The following ASTN2 variants were observed in gnomAD, a reference collection of about 807,000 sequenced individuals.
ASTN2 encodes astrotactin-2.
In ASTN2, 54 loss-of-function variants were observed where a neutral mutation model predicts 139.8. The ratio of observed to expected loss-of-function variants is 0.39; its 90% CI spans 0.31 to 0.48. ASTN2 has a LOEUF of 0.48. Among genes scored for constraint, ASTN2 ranks in the 20% least tolerant of loss-of-function variants. The probability of loss-of-function intolerance (pLI) is 0.95; values close to 1 mark genes in which losing one functional copy is unlikely to be tolerated. For missense variants in ASTN2, 1,565 were observed against 1,725.1 expected (o/e 0.91, Z 1.64); for synonymous variants, 756 against 719.5 (o/e 1.05, Z -0.81).
intron 19 of ASTN2, among the ~76,000 whole-genome samples, chr9:116,519,354 A>C (rs942430977): frequency 2.6e-5 from 4 of 151,978 alleles, no homozygotes; most frequent in Admixed American, 2.6e-4. Context: ...TCCAAAAAAA[A>C]CCCTCAAAAC....
chr9:117,290,000 A>T (rs1223741572), intron 2 of ASTN2, among the ~76,000 whole-genome samples: 1 of 152,212 alleles, frequency 6.6e-6, no homozygotes. Context: ...CGTTGAAGAG[A>T]AACGAGAAAG....
At chr9:116,707,129 C>A (rs959047253) in intron 16 of ASTN2, among the ~76,000 whole-genome samples, 2 of 151,288 alleles carry the variant, frequency 1.3e-5, no homozygotes, top group African/African-American at 4.9e-5. Flanking sequence ...ACAGTCATAC[C>A]CTATGCAATA....
intron 1 of ASTN2, among the ~76,000 whole-genome samples, chr9:117,355,171 G>A (rs1163456441): frequency 6.6e-6 from 1 of 152,060 alleles, no homozygotes; most frequent in Non-Finnish European, 1.5e-5. Flanking sequence ...ATCTAAGAGA[G>A]TCCCTGACAG....
At chr9:117,391,534 T>C (rs1830540483) in intron 1 of ASTN2, among the ~76,000 whole-genome samples, 1 of 152,144 alleles carries the variant, frequency 6.6e-6, no homozygotes, top group Non-Finnish European at 1.5e-5. Context: ...CCTGCTTCCA[T>C]GATTCAATCA....
intron 1 of ASTN2, among the ~76,000 whole-genome samples, chr9:117,369,257 TA>T (rs1043356331): frequency 6.6e-6 from 1 of 152,194 alleles, no homozygotes; most frequent in African/African-American, 2.4e-5. Flanking sequence ...AACATGATTA[TA>T]ATGATTCATT....
intron 3 of ASTN2, among the ~76,000 whole-genome samples, chr9:117,166,801 C>G (rs1830680255): frequency 6.6e-6 from 1 of 152,082 alleles, no homozygotes; most frequent in Non-Finnish European, 1.5e-5. Context: ...AGACTGCAAA[C>G]TCCCCTAGGA....
chr9:117,003,953 C>CGTGTGTGTGTGTGTGTGT (rs3038371), intron 7 of ASTN2, among the ~76,000 whole-genome samples: 2 of 146,284 alleles, frequency 1.4e-5, no homozygotes, highest in African/African-American at 5.2e-5. Context: ...CGCGCGCGCG[C>CGTGTGTGTGTGTGTGTGT]GTGTGTGTGT....
intron 13 of ASTN2, among the ~76,000 whole-genome samples, chr9:116,744,545 TAC>T (rs1307227880): frequency 6.6e-6 from 1 of 152,082 alleles, no homozygotes; most frequent in Non-Finnish European, 1.5e-5. Context: ...GACAACAGAA[TAC>T]AGAGAAGAGG....
At chr9:116,497,900 C>T (rs763294942) in intron 19 of ASTN2, among the ~76,000 whole-genome samples, 1 of 152,208 alleles carries the variant, frequency 6.6e-6, no homozygotes, top group Non-Finnish European at 1.5e-5. Flanking sequence ...AAAGAACCAA[C>T]TGTACGATGT....
chr9:117,373,192 C>T (rs1406115429), intron 1 of ASTN2, among the ~76,000 whole-genome samples: 2 of 152,130 alleles, frequency 1.3e-5, no homozygotes, highest in Non-Finnish European at 2.9e-5. Context: ...GTTAATTATT[C>T]CATTTACAGA....
chr9:116,577,536 AAAAAAGAAAAAG>A (rs372608395), intron 19 of ASTN2, among the ~76,000 whole-genome samples: 1 of 144,990 alleles, frequency 6.9e-6, no homozygotes, highest in East Asian at 1.9e-4. Flanking sequence ...TGTCTCAAAA[AAAAAAGAAAAAG>A]AAAAAGAAAA....
intron 16 of ASTN2, among the ~76,000 whole-genome samples, chr9:116,714,442 G>A (rs1015544987): frequency 3.9e-5 from 6 of 152,182 alleles, no homozygotes; most frequent in African/African-American, 1.4e-4. Context: ...TATGTCTCAT[G>A]ATAATAATGA....
At chr9:116,964,256 T>A (rs111489847) in intron 10 of ASTN2, among the ~76,000 whole-genome samples, 1 of 98,868 alleles carries the variant, frequency 1.0e-5, no homozygotes. Context: ...TGTGTGTGTG[T>A]GCGCGCGCGC....
chr9:116,426,576 T>C (rs1847316152), intron 22 of ASTN2, among the ~76,000 whole-genome samples: 1 of 152,216 alleles, frequency 6.6e-6, no homozygotes, highest in Non-Finnish European at 1.5e-5. Flanking sequence ...TGACATTACT[T>C]GACTAAGGCA....
At chr9:117,327,009 G>T (rs1269575312) in intron 1 of ASTN2, among the ~76,000 whole-genome samples, 2 of 152,156 alleles carry the variant, frequency 1.3e-5, no homozygotes, top group Non-Finnish European at 2.9e-5. Context: ...CAGACCAGGG[G>T]AGTTGTGGGG....
intron 10 of ASTN2, among the ~76,000 whole-genome samples, chr9:116,872,157 T>C (rs1854027): frequency 0.49 from 74,091 of 151,948 alleles, 19,143 homozygotes; most frequent in Non-Finnish European, 0.58. Context: ...AGAGATTGGG[T>C]TTCACCATGT....
intron 22 of ASTN2, among the ~76,000 whole-genome samples, chr9:116,437,806 T>C (rs1403271001): frequency 1.3e-5 from 2 of 152,194 alleles, no homozygotes. Flanking sequence ...CTTCCTTTCA[T>C]GTGCAAGGGA....
At chr9:116,609,572 C>T (rs1006436405) in intron 19 of ASTN2, among the ~76,000 whole-genome samples, 1 of 151,284 alleles carries the variant, frequency 6.6e-6, no homozygotes, top group African/African-American at 2.4e-5. Flanking sequence ...GCATCACTAA[C>T]TGACAAAATA....
chr9:116,847,028 AAAAAAC>A (rs1832456154), intron 11 of ASTN2, among the ~76,000 whole-genome samples: 18 of 72,892 alleles, frequency 2.5e-4, no homozygotes, highest in African/African-American at 9.4e-4. Flanking sequence ...AAAAAAAAAC[AAAAAAC>A]AAAAAACAAA....
Sources: gnomAD v4.1 joint callset for allele counts (sites outside exome capture counted in the v4.1 genomes callset) on GRCh38, gnomAD v4.1.1 for gene constraint, MANE v1.5 for transcripts, NCBI Gene and HGNC (gene_info 2026-07-23, HGNC 2026-07-21) for gene names.